The following DERA variants were observed in gnomAD, a reference collection of about 807,000 sequenced individuals.
DERA encodes the protein deoxyribose-phosphate aldolase.
Under a neutral mutation model 41.1 loss-of-function variants are expected in DERA, and 15 were observed. The observed-to-expected ratio is 0.37, with a 90% CI of 0.24 to 0.56. The LOEUF (loss-of-function observed/expected upper bound fraction) is 0.56, where lower values mean the gene tolerates loss of function less well. DERA is among the 20% of genes least tolerant of loss of function. The probability of loss-of-function intolerance (pLI) is 0.81; values close to 1 mark genes in which losing one functional copy is unlikely to be tolerated. For synonymous variants in DERA, 139 were observed against 137.4 expected (o/e 1.01, Z -0.08); for missense variants, 396 against 403.4 (o/e 0.98, Z 0.16).
chr12:16,009,336 G>T lies in DERA; in HGVS notation c.638-23206G>T, dbSNP rs1311509926. Among the ~76,000 whole-genome samples the T allele has an allele frequency of 1.3e-5, 2 of 152,122 alleles. No individual in the cohort carries two copies. The highest frequency in any genetic ancestry group is 3.9e-4 in the East Asian group (2 of 5,186). On this transcript the variant is annotated intron_variant, in intron 6 of 8. Coordinates refer to ENST00000428559, the MANE Select transcript of DERA (RefSeq NM_015954.4). This position sits in a 1 kb window ranked among gnomAD's most constrained non-coding sequence, Gnocchi z 5.3. ...TTTTAGCAGGTTTTGTGATGAAAAT[G>T]TCACCATCAAACCAGTCTTAACTGT...
At position 15,996,530 on chromosome 12, in the gene DERA, C is replaced by G. The variant is rs1948839224; in HGVS notation, c.637+14094C>G. 6.6e-6 allele frequency among the ~76,000 whole-genome samples: 1 copy of G among 152,108 alleles called. No homozygotes were observed. On this transcript the variant is annotated intron_variant, in intron 6 of 8. Transcript: ENST00000428559. This position sits in a 1 kb window ranked among gnomAD's most constrained non-coding sequence, Gnocchi z 4.7. ...TCCCTCTGTGTGTCTCTGTCTGTGT[C>G]TCTTCTCCTCTTCTTATAAGGAAAC...
intron 6 of DERA, among the ~76,000 whole-genome samples, chr12:16,025,940 T>A (rs1187197327): frequency 2.6e-5 from 4 of 152,014 alleles, no homozygotes; most frequent in Non-Finnish European, 5.9e-5. Flanking sequence ...AACAACACAC[T>A]CCTAAATAAC....
In DERA at chr12:16,005,991, A is replaced by G. The variant is rs146785813; in HGVS notation, c.637+23555A>G. On this transcript the variant is annotated intron_variant, in intron 6 of 8. Transcript: ENST00000428559. ...TCACCCCCTCCCCATTCCTGTGGCCATTGTCTGAAATTCTGCTGTTCGGTC... is the reference window on the plus strand; with the variant it reads ...TCACCCCCTCCCCATTCCTGTGGCCGTTGTCTGAAATTCTGCTGTTCGGTC... 6.6e-5 allele frequency among the ~76,000 whole-genome samples: 10 copies of G among 152,262 alleles called. No homozygotes were observed. The East Asian group carries it at 1.9e-3, about 29-fold the overall frequency.
At chr12:15,960,268 A>C (rs1948574944) in intron 4 of DERA, among the ~76,000 whole-genome samples, 1 of 150,156 alleles carries the variant, frequency 6.7e-6, no homozygotes, top group Non-Finnish European at 1.5e-5. Flanking sequence ...CATATTAACT[A>C]TATATATAAC....
chr12:15,971,182 C>A (rs1269493825), intron 5 of DERA, among the ~76,000 whole-genome samples: 1 of 152,202 alleles, frequency 6.6e-6, no homozygotes, highest in African/African-American at 2.4e-5. Flanking sequence ...TTAAGGCTTC[C>A]ATTGTGCCTT....
chr12:15,949,072 AG>A (rs928489086), intron 1 of DERA, among the ~76,000 whole-genome samples: 5 of 152,246 alleles, frequency 3.3e-5, no homozygotes, highest in African/African-American at 1.2e-4. Flanking sequence ...TTCGTCTCAG[AG>A]GGGTAACCGG....
chr12:16,015,214 T>A (rs968289437), intron 6 of DERA, among the ~76,000 whole-genome samples: 2 of 152,184 alleles, frequency 1.3e-5, no homozygotes, highest in African/African-American at 4.8e-5. Flanking sequence ...GAGAGGGACA[T>A]GAGACTTGGG....
Position 15,988,304 on chromosome 12 carries a change from T to C in DERA, c.637+5868T>C, listed in dbSNP as rs1948778948. 6.6e-6 allele frequency among the ~76,000 whole-genome samples: 1 copy of C among 152,148 alleles called. No homozygotes were observed. The highest frequency in any genetic ancestry group is 6.5e-5 in the Admixed American group (1 of 15,280). ...TGGTGGGTCCTGAGTTCTTGTCCTG[T>C]GTCCAGGAAGAAAGAAGTACTTGGA... On this transcript the variant is annotated intron_variant, in intron 6 of 8. Coordinates refer to ENST00000428559, the MANE Select transcript of DERA (RefSeq NM_015954.4). The surrounding 1 kb of genome is among the most constrained non-coding windows in gnomAD (Gnocchi z 6.0).
At position 16,021,333 on chromosome 12, in the gene DERA, A is replaced by G. The variant is rs3983663; in HGVS notation, c.638-11209A>G. 0.71 allele frequency among the ~76,000 whole-genome samples: 108,024 copies of G among 152,128 alleles called. 38,901 individuals are homozygous for G. Among genetic ancestry groups the G allele is most frequent in the African/African-American group, 0.75 (31,311 of 41,514 alleles). ...TACAGCTCAGGCTGCTGCTGTGGAGAGTACAAGTTGTAAGCCTTGCTGGTT... is the reference window on the plus strand; with the variant it reads ...TACAGCTCAGGCTGCTGCTGTGGAGGGTACAAGTTGTAAGCCTTGCTGGTT... On this transcript the variant is annotated intron_variant, in intron 6 of 8. Coordinates refer to ENST00000428559, the MANE Select transcript of DERA (RefSeq NM_015954.4). This position sits in a 1 kb window ranked among gnomAD's most constrained non-coding sequence, Gnocchi z 5.3.
intron 4 of DERA, among the ~76,000 whole-genome samples, chr12:15,960,167 GAA>G (rs1232987990): frequency 6.7e-6 from 1 of 149,268 alleles, no homozygotes; most frequent in Non-Finnish European, 1.5e-5. Flanking sequence ...GTCAGGTAAA[GAA>G]AAAAGTCATA....
rs1391645875 is a variant in DERA, at chr12:16,021,572, T to A, written c.638-10970T>A. 6.6e-6 allele frequency among the ~76,000 whole-genome samples: 1 copy of A among 152,144 alleles called. No individual in the cohort carries two copies. The highest frequency in any genetic ancestry group is 1.5e-5 in the Non-Finnish European group (1 of 68,022). On this transcript the variant is annotated intron_variant, in intron 6 of 8. Coordinates refer to ENST00000428559, the MANE Select transcript of DERA (RefSeq NM_015954.4). This position sits in a 1 kb window ranked among gnomAD's most constrained non-coding sequence, Gnocchi z 5.3. ...GGAATTGTGGGAATGGGGCTGCCAC[T>A]CTCCAGACCCCAGAATGGTAGAGCC...
Position 15,911,520 on chromosome 12 carries a change from G to T in DERA, c.31+106G>T. 1 of 1,182,112 alleles carries T rather than the reference G, an allele frequency of 8.5e-7. No homozygotes were observed. The highest frequency in any genetic ancestry group is 1.2e-6 in the Non-Finnish European group (1 of 867,882). 73.2% of individuals were successfully genotyped at this position (1,182,112 alleles called of 1,614,324 possible). A position where few individuals can be genotyped will look rare whatever the true frequency, so the allele number is the denominator to read the frequency against. On this transcript the variant is annotated intron_variant, in intron 1 of 8. Transcript: ENST00000428559. This position sits in a 1 kb window ranked among gnomAD's most constrained non-coding sequence, Gnocchi z 4.5. ...AGTGCCCTGGCTGTGGGTCCCCGAG[G>T]GGTTTTCGCTGGGGCGGGAAGCAGT...
chr12:15,927,375 G>T (rs545839772), intron 1 of DERA, among the ~76,000 whole-genome samples: 2 of 152,158 alleles, frequency 1.3e-5, no homozygotes, highest in South Asian at 2.1e-4. Context: ...TAAATAATCA[G>T]AGACAAGTGT....
chr12:15,948,098 A>G (rs1300998074), intron 1 of DERA, among the ~76,000 whole-genome samples: 1 of 152,082 alleles, frequency 6.6e-6, no homozygotes, highest in Non-Finnish European at 1.5e-5. Flanking sequence ...GCTTCCCTTT[A>G]TGGGTAACCC....
At position 15,922,066 on chromosome 12, in the gene DERA, C is replaced by T. The variant is rs373247929; in HGVS notation, c.31+10652C>T. On this transcript the variant is annotated intron_variant, in intron 1 of 8. Transcript: ENST00000428559. The surrounding 1 kb of genome is among the most constrained non-coding windows in gnomAD (Gnocchi z 4.9). Reference sequence around the variant, plus strand: ...TCATTATTATAATCTCAAAGTCATTCATTCAGCATGTGTATGTTGAGTACT... The same window carrying T: ...TCATTATTATAATCTCAAAGTCATTTATTCAGCATGTGTATGTTGAGTACT... Among the ~76,000 whole-genome samples, 4 of 152,252 alleles carry T rather than the reference C, an allele frequency of 2.6e-5. No homozygotes were observed. Among genetic ancestry groups the T allele is most frequent in the Non-Finnish European group, 5.9e-5 (4 of 68,026 alleles).
chr12:15,963,691 T>A (rs945930701), intron 5 of DERA, among the ~76,000 whole-genome samples: 1 of 152,166 alleles, frequency 6.6e-6, no homozygotes, highest in Non-Finnish European at 1.5e-5. Flanking sequence ...AAATCACAAG[T>A]TAAAGCCAGG....
At chr12:15,950,910 C>T (rs917906481) in intron 1 of DERA, among the ~76,000 whole-genome samples, 2 of 152,208 alleles carry the variant, frequency 1.3e-5, no homozygotes, top group African/African-American at 4.8e-5. Flanking sequence ...TTTTGGATAG[C>T]CCTTTGATAT....
In DERA at chr12:16,021,174, C is replaced by A. The variant is rs940529256; in HGVS notation, c.638-11368C>A. Among the ~76,000 whole-genome samples the A allele has an allele frequency of 6.6e-6, 1 of 152,188 alleles. No individual in the cohort carries two copies. The highest frequency in any genetic ancestry group is 1.5e-5 in the Non-Finnish European group (1 of 68,028). The stretch of plus-strand genomic sequence containing the variant: ...GGCATTTCAGAGGTCTTCGAAGCAG[C>A]CCCTGCCATCAAAGGCCCAGAGGCC... On this transcript the variant is annotated intron_variant, in intron 6 of 8. Coordinates refer to ENST00000428559, the MANE Select transcript of DERA (RefSeq NM_015954.4). This position sits in a 1 kb window ranked among gnomAD's most constrained non-coding sequence, Gnocchi z 5.3.
Position 15,940,417 on chromosome 12 carries a change from T to C in DERA, c.32-16519T>C, listed in dbSNP as rs531628059. On this transcript the variant is annotated intron_variant, in intron 1 of 8. Coordinates refer to ENST00000428559, the MANE Select transcript of DERA (RefSeq NM_015954.4). The surrounding 1 kb of genome is among the most constrained non-coding windows in gnomAD (Gnocchi z 5.1). The stretch of plus-strand genomic sequence containing the variant: ...CACAGGCTGGAGTACAGTGGCATGA[T>C]CTTGGCTCACTGCAACCTCCACCTC... Among the ~76,000 whole-genome samples, 12 of 152,252 alleles carry C rather than the reference T, an allele frequency of 7.9e-5. No homozygotes were observed. The highest frequency in any genetic ancestry group is 2.9e-4 in the African/African-American group (12 of 41,552).
Sources: allele counts gnomAD v4.1 joint callset (sites outside exome capture counted in the v4.1 genomes callset), GRCh38; gene constraint gnomAD v4.1.1; non-coding constraint Gnocchi (gnomAD v3.1); transcripts MANE v1.5; gene names NCBI Gene and HGNC (gene_info 2026-07-23, HGNC 2026-07-21).